The following ELOVL2 variants were observed in gnomAD, a reference collection of about 807,000 sequenced individuals.
ELOVL2 encodes the protein ELOVL fatty acid elongase 2.
In ELOVL2, 38 loss-of-function variants were observed where a neutral mutation model predicts 37.7. That is an observed-to-expected ratio of 1.01 (90% CI 0.78 to 1.32). ELOVL2 has a LOEUF of 1.32. Ranked by LOEUF, ELOVL2 falls within the 40% of genes most tolerant of loss-of-function variation. The probability of loss-of-function intolerance (pLI) is 0.00; values close to 1 mark genes in which losing one functional copy is unlikely to be tolerated. For synonymous variants in ELOVL2, 115 were observed against 122.3 expected (o/e 0.94, Z 0.40); for missense variants, 352 against 363.6 (o/e 0.97, Z 0.26).
chr6:11,014,382 G>A (rs573231860), intron 1 of ELOVL2, among the ~76,000 whole-genome samples: 2,446 of 151,084 alleles, frequency 0.016, 56 homozygotes, highest in African/African-American at 0.057. Context: ...AGAAGGCTGA[G>A]GCGGGAGAAT....
At chr6:11,038,471 C>T (rs1783049921) in intron 1 of ELOVL2, among the ~76,000 whole-genome samples, 1 of 151,788 alleles carries the variant, frequency 6.6e-6, no homozygotes, top group Admixed American at 6.6e-5. Flanking sequence ...TGGGGCAAGA[C>T]TCCAGCTCAA....
rs1554111121 is a variant in ELOVL2, at chr6:10,994,483, A to AAAGAAAAG, written c.505+523_505+524insCTTTTCTT. Among the ~76,000 whole-genome samples the AAAGAAAAG allele has an allele frequency of 1.3e-3, 192 of 146,086 alleles. 3 individuals are homozygous for AAAGAAAAG. The highest frequency in any genetic ancestry group is 2.5e-3 in the African/African-American group (98 of 39,532). On this transcript the variant is annotated intron_variant, in intron 5 of 7. Coordinates refer to ENST00000354666, the MANE Select transcript of ELOVL2 (RefSeq NM_017770.4). ...AATTCCATCTCAAAAAAAAAAAAAAAGAACAAATATGAATGAGTGCACTGG... is the reference window on the plus strand; with the variant it reads ...AATTCCATCTCAAAAAAAAAAAAAAAAAGAAAAGGAACAAATATGAATGAGTGCACTGG...
chr6:11,001,967 C>T (rs762617792), intron 3 of ELOVL2, among the ~76,000 whole-genome samples: 4 of 152,208 alleles, frequency 2.6e-5, no homozygotes, highest in Non-Finnish European at 5.9e-5. Context: ...TGTAGTACTG[C>T]AATGATCTCC....
At chr6:10,988,129 G>A (rs73440757) in intron 7 of ELOVL2, among the ~76,000 whole-genome samples, 3,557 of 152,274 alleles carry the variant, frequency 0.023, 143 homozygotes, top group African/African-American at 0.08. Flanking sequence ...CCCACACATA[G>A]CTTTGTTTGG....
At chr6:11,037,869 T>A (rs1783039118) in intron 1 of ELOVL2, among the ~76,000 whole-genome samples, 1 of 152,230 alleles carries the variant, frequency 6.6e-6, no homozygotes, top group Non-Finnish European at 1.5e-5. Context: ...TTTAATATGT[T>A]TAAGTGTATA....
At chr6:11,006,248 G>A (rs1007366026) in intron 2 of ELOVL2, among the ~76,000 whole-genome samples, 9 of 152,234 alleles carry the variant, frequency 5.9e-5, no homozygotes, top group African/African-American at 2.2e-4. Context: ...TGAGGACCCA[G>A]ATCTGGCCAT....
intron 2 of ELOVL2, among the ~76,000 whole-genome samples, chr6:11,008,127 G>A (rs1254530030): frequency 1.3e-5 from 2 of 151,952 alleles, no homozygotes; most frequent in Non-Finnish European, 2.9e-5. Flanking sequence ...TCGGTGATGT[G>A]CCAGTCAGCA....
chr6:11,019,933 G>A (rs1460876834), intron 1 of ELOVL2, among the ~76,000 whole-genome samples: 1 of 152,118 alleles, frequency 6.6e-6, no homozygotes, highest in Non-Finnish European at 1.5e-5. Flanking sequence ...TAGTAGAGCT[G>A]AGGTTTCACC....
At chr6:11,019,270 G>C (rs1782729781) in intron 1 of ELOVL2, among the ~76,000 whole-genome samples, 1 of 152,038 alleles carries the variant, frequency 6.6e-6, no homozygotes, top group Non-Finnish European at 1.5e-5. Context: ...ACCATCACAT[G>C]CTGACAAGAT....
At chr6:11,024,148 C>CA (rs1782807685) in intron 1 of ELOVL2, among the ~76,000 whole-genome samples, 1 of 152,136 alleles carries the variant, frequency 6.6e-6, no homozygotes, top group African/African-American at 2.4e-5. Context: ...AGGCAAAAGA[C>CA]AAAGTTATTT....
chr6:11,022,048 TC>T (rs1782771935), intron 1 of ELOVL2, among the ~76,000 whole-genome samples: 2 of 152,226 alleles, frequency 1.3e-5, no homozygotes, highest in East Asian at 3.9e-4. Flanking sequence ...ATGGCTCCAT[TC>T]CCCAGGGGTC....
chr6:11,015,518 C>G (rs1782668986), intron 1 of ELOVL2: 1 of 153,368 alleles, frequency 6.5e-6, no homozygotes, highest in Non-Finnish European at 1.5e-5. Flanking sequence ...TCGCCACCAC[C>G]AGGAATCAGT....
chr6:11,023,231 C>T (rs912495189), intron 1 of ELOVL2, among the ~76,000 whole-genome samples: 3 of 152,162 alleles, frequency 2.0e-5, no homozygotes, highest in Non-Finnish European at 4.4e-5. Context: ...GATTTGGGAA[C>T]ATGGGGAAGA....
chr6:11,016,613 AGAG>A (rs528034424), intron 1 of ELOVL2, among the ~76,000 whole-genome samples: 181 of 152,302 alleles, frequency 1.2e-3, no homozygotes, highest in Admixed American at 3.3e-3. Context: ...AACTGAGAGA[AGAG>A]GAGGTGTTAT....
At chr6:11,020,778 T>G (rs894729266) in intron 1 of ELOVL2, among the ~76,000 whole-genome samples, 9 of 152,164 alleles carry the variant, frequency 5.9e-5, no homozygotes, top group Non-Finnish European at 1.2e-4. Flanking sequence ...TAGGTTAAAT[T>G]TTTACAAAAA....
intron 1 of ELOVL2, among the ~76,000 whole-genome samples, chr6:11,031,344 A>G (rs1006959024): frequency 6.6e-6 from 1 of 152,224 alleles, no homozygotes; most frequent in Non-Finnish European, 1.5e-5. Context: ...TTTGAAAACT[A>G]CCACAAAGCT....
At position 11,018,324 on chromosome 6, in the gene ELOVL2, T is replaced by A. The variant is rs1285693390; in HGVS notation, c.4-7515A>T. 2.0e-5 allele frequency among the ~76,000 whole-genome samples: 3 copies of A among 152,316 alleles called. No individual in the cohort carries two copies. In the South Asian group the frequency reaches 6.2e-4, roughly 32 times the overall value. ...AATAATTCCAACCTATACTAAAAAA[T>A]GTGAAAAGGTAAGAATACTGGTATT... On this transcript the variant is annotated intron_variant, in intron 1 of 7. Coordinates refer to ENST00000354666, the MANE Select transcript of ELOVL2 (RefSeq NM_017770.4).
intron 2 of ELOVL2, among the ~76,000 whole-genome samples, chr6:11,008,761 A>G (rs1311840598): frequency 6.6e-6 from 1 of 152,232 alleles, no homozygotes. Context: ...GAAAAAGCAA[A>G]AAAACCTATG....
At chr6:11,040,330 T>C (rs1264312921) in intron 1 of ELOVL2, among the ~76,000 whole-genome samples, 1 of 152,148 alleles carries the variant, frequency 6.6e-6, no homozygotes, top group Non-Finnish European at 1.5e-5. Context: ...TCTAGAGCTC[T>C]TTGTCCAATA....
Sources: allele counts gnomAD v4.1 joint callset (sites outside exome capture counted in the v4.1 genomes callset), GRCh38; gene constraint gnomAD v4.1.1; transcripts MANE v1.5; gene names NCBI Gene and HGNC (gene_info 2026-07-23, HGNC 2026-07-21).